Variants in TUBGCP3 observed in about 807,000 individuals in gnomAD.
The protein encoded by TUBGCP3 is gamma-tubulin complex component 3.
TUBGCP3 carries 50 observed loss-of-function variants against 123.1 expected under a neutral mutation model. That is an observed-to-expected ratio of 0.41 (90% confidence interval 0.32 to 0.51). The LOEUF is 0.51. Among genes scored for constraint, TUBGCP3 ranks in the 20% least tolerant of loss-of-function variants. The probability of loss-of-function intolerance (pLI) is 0.36; values close to 1 mark genes in which losing one functional copy is unlikely to be tolerated. For missense variants in TUBGCP3, 882 were observed against 1,127.0 expected (o/e 0.78, Z 3.11); for synonymous variants, 405 against 413.9 (o/e 0.98, Z 0.26).
rs894562931 is a variant in TUBGCP3 at position 112,545,865 on chromosome 13, C to T, written c.1169G>A (p.Gly390Glu). The T allele has an allele frequency of 1.1e-5, 18 of 1,607,726 alleles. No homozygotes were observed. The highest frequency in any genetic ancestry group is 3.3e-4 in the Middle Eastern group (2 of 6,022). The change falls in exon 11 of 22, where the codon GGA (glycine) becomes GAA (glutamate). Residue 390 changes from glycine (G) to glutamate (E), a missense_variant and splice_region_variant. Physicochemically the swap from Gly to Glu is moderately conservative, Grantham distance 98 (BLOSUM62 -2). Around this residue, in one of 3 missense-constraint regions of TUBGCP3, gnomAD observed 713 missense variants for 874.0 expected, o/e 0.82. Transcript: ENST00000261965. This position sits in a 1 kb window ranked among gnomAD's most constrained non-coding sequence, Gnocchi z 4.1. ...TGAGGCCAGCTCACCTCCTTTCCTT[C>T]CTGGGAGAAATGGAGGAAAATACAC... ...TLAALVDHCQ[G>E]RKGGELASAV...
chr13:112,488,471 G>A (rs1879824354), intron 21 of TUBGCP3, among the ~76,000 whole-genome samples: 2 of 152,224 alleles, frequency 1.3e-5, no homozygotes, highest in Non-Finnish European at 2.9e-5. Flanking sequence ...TCTGCTGGCT[G>A]CCGGCCCCTC....
intron 11 of TUBGCP3, among the ~76,000 whole-genome samples, chr13:112,541,730 T>C (rs1446294574): frequency 6.6e-6 from 1 of 152,184 alleles, no homozygotes; most frequent in Non-Finnish European, 1.5e-5. Flanking sequence ...TGACTTTTGT[T>C]CTAATTATTA....
chr13:112,512,768 C>G (rs1044658761), intron 17 of TUBGCP3, among the ~76,000 whole-genome samples: 1 of 152,176 alleles, frequency 6.6e-6, no homozygotes, highest in Non-Finnish European at 1.5e-5. Flanking sequence ...CCACTAACCA[C>G]TGTTCCCTGA....
chr13:112,567,243 G>A (rs1480790356), intron 2 of TUBGCP3, among the ~76,000 whole-genome samples: 2 of 152,148 alleles, frequency 1.3e-5, no homozygotes, highest in African/African-American at 4.8e-5. Context: ...CATTGCTGCA[G>A]TTTTCTTCTT....
chr13:112,537,903 T>C (rs1202416587), intron 11 of TUBGCP3, among the ~76,000 whole-genome samples: 1 of 152,246 alleles, frequency 6.6e-6, no homozygotes, highest in Non-Finnish European at 1.5e-5. Flanking sequence ...AAGTTTTATC[T>C]ATCTAGAAAT....
chr13:112,543,149 CAA>C (rs915917447), intron 11 of TUBGCP3, among the ~76,000 whole-genome samples: 1 of 150,344 alleles, frequency 6.7e-6, no homozygotes, highest in African/African-American at 2.4e-5. Context: ...GACTCCATCT[CAA>C]AAAAAAAGAG....
At chr13:112,522,101 T>TA (rs1238269562) in intron 14 of TUBGCP3, among the ~76,000 whole-genome samples, 3 of 152,198 alleles carry the variant, frequency 2.0e-5, no homozygotes, top group Admixed American at 1.3e-4. Context: ...CTCTTATGAA[T>TA]AAAGCACAGA....
rs1015155091 is a variant in TUBGCP3, at chr13:112,556,211, C to A, written c.562G>T (p.Ala188Ser). The change falls in exon 6 of 22, where the codon GCT (alanine) becomes TCT (serine). Residue 188 changes from alanine to serine, a missense_variant. By Grantham distance (99) the Ala-to-Ser change is moderately conservative (BLOSUM62 1). Around this residue, in one of 3 missense-constraint regions of TUBGCP3, gnomAD observed 713 missense variants for 874.0 expected, o/e 0.82. Coordinates refer to ENST00000261965, the MANE Select transcript of TUBGCP3 (RefSeq NM_006322.6). ...CGAAGGCAATCTCCTACTCCTGGAG[C>A]TTGATTAGACTGTCTAAAAAAAGAA... ...QSLLPGQSNQ[A>S]PGVGDCLRQQ... 2 of 1,612,690 alleles carry A rather than the reference C, an allele frequency of 1.2e-6. No individual in the cohort carries two copies. The highest frequency in any genetic ancestry group is 3.3e-5 in the Admixed American group (2 of 59,950).
At chr13:112,534,622 C>G (rs534026009) in intron 11 of TUBGCP3, among the ~76,000 whole-genome samples, 1 of 151,944 alleles carries the variant, frequency 6.6e-6, no homozygotes, top group African/African-American at 2.4e-5. Context: ...AGCCTGAGAG[C>G]TACAGAGCCC....
intron 11 of TUBGCP3, among the ~76,000 whole-genome samples, chr13:112,531,254 G>A (rs533002507): frequency 3.9e-5 from 6 of 152,308 alleles, no homozygotes; most frequent in Non-Finnish European, 5.9e-5. Context: ...AGGCTGCTAC[G>A]TTTATTTTCA....
At chr13:112,567,472 C>A (rs1881042389) in intron 2 of TUBGCP3, among the ~76,000 whole-genome samples, 1 of 152,144 alleles carries the variant, frequency 6.6e-6, no homozygotes, top group Admixed American at 6.5e-5. Context: ...CAGTAATCAT[C>A]TAAAATGTGT....
At chr13:112,506,069 T>A (rs576640149) in intron 17 of TUBGCP3, among the ~76,000 whole-genome samples, 1 of 152,188 alleles carries the variant, frequency 6.6e-6, no homozygotes, top group East Asian at 1.9e-4. Flanking sequence ...TTTAAAAAAA[T>A]AAATTTCAAA....
chr13:112,560,509 A>T (rs1880428690), intron 3 of TUBGCP3, among the ~76,000 whole-genome samples: 1 of 152,244 alleles, frequency 6.6e-6, no homozygotes, highest in Admixed American at 6.5e-5. Flanking sequence ...GGGTTATCAT[A>T]CAGATTTCAT....
At chr13:112,600,797 C>T in the TUBGCP3 span, among the ~76,000 whole-genome samples, 1 of 152,112 alleles carries the variant, frequency 6.6e-6, no homozygotes, top group African/African-American at 2.4e-5. Flanking sequence ...ATTCTCCTGT[C>T]TTATAACTCA....
At chr13:112,495,770 T>C (rs1214416833) in intron 20 of TUBGCP3, among the ~76,000 whole-genome samples, 1 of 152,192 alleles carries the variant, frequency 6.6e-6, no homozygotes, top group Admixed American at 6.5e-5. Flanking sequence ...CTATATTCAA[T>C]TCTGTTTTAT....
At chr13:112,604,482 G>C in the TUBGCP3 span, 2 of 152,160 alleles carry the variant, frequency 1.3e-5, no homozygotes, top group Non-Finnish European at 1.5e-5. Context: ...ATTTTTTGTA[G>C]AGATGAGGTC....
chr13:112,504,317 G>A lies in TUBGCP3; in HGVS notation c.2176-154C>T, dbSNP rs990771705. Among the ~76,000 whole-genome samples the A allele has an allele frequency of 4.0e-5, 6 of 151,724 alleles. No homozygotes were observed. The South Asian group carries it at 1.0e-3, about 26-fold the overall frequency. ...AGCCTGGCCAACATGGCAAAACCCC[G>A]TCTCTACTAAAAATACAAAAATCAG... On this transcript the variant is annotated intron_variant, in intron 18 of 21. Transcript: ENST00000261965.
intron 1 of TUBGCP3, among the ~76,000 whole-genome samples, chr13:112,573,019 C>T (rs569688248): frequency 6.6e-6 from 1 of 152,026 alleles, no homozygotes; most frequent in East Asian, 1.9e-4. Context: ...CCGACAACTC[C>T]ACTCTTAAAG....
intron 17 of TUBGCP3, among the ~76,000 whole-genome samples, chr13:112,507,611 C>G (rs1881389504): frequency 6.6e-6 from 1 of 152,198 alleles, no homozygotes; most frequent in Non-Finnish European, 1.5e-5. Context: ...ACAGAAGCGG[C>G]TCAGTCCCAT....
Sources: allele counts gnomAD v4.1 joint callset (sites outside exome capture counted in the v4.1 genomes callset), GRCh38; gene constraint gnomAD v4.1.1; regional missense constraint gnomAD v4.1.1; non-coding constraint Gnocchi (gnomAD v3.1); transcripts MANE v1.5; gene names NCBI Gene and HGNC (gene_info 2026-07-23, HGNC 2026-07-21).